Variants in ME1 observed in about 807,000 individuals in gnomAD.
ME1 encodes the protein malic enzyme 1.
Under a neutral mutation model 66.4 loss-of-function variants are expected in ME1, and 74 were observed. The observed-to-expected ratio is 1.11, with a 90% CI of 0.92 to 1.35. The LOEUF is 1.35. ME1 is among the 40% of genes most tolerant of loss of function. ME1 has a pLI of 0.00. For synonymous variants in ME1, 251 were observed against 235.6 expected, an observed-to-expected ratio of 1.07 and a Z score of -0.60; for missense variants, 750 against 694.1, an observed-to-expected ratio of 1.08 and a Z score of -0.90.
At chr6:83,346,021 T>C in intron 5 of ME1, 152 bp downstream of exon 5, 2 of 537,298 alleles carry the variant, frequency 3.7e-6, no homozygotes, top group Admixed American at 3.7e-5. Flanking sequence ...GGAGAAGTAA[T>C]TTTCTTACAA....
chr6:83,401,262 G>C (rs1025068870), intron 2 of ME1, among the ~76,000 whole-genome samples: 3 of 152,182 alleles, frequency 2.0e-5, no homozygotes, highest in African/African-American at 7.2e-5. Flanking sequence ...TTGAGCCCAG[G>C]ATGTTGAGAC....
At chr6:83,348,999 A>C (rs1186306817) in intron 4 of ME1, among the ~76,000 whole-genome samples, 2 of 144,280 alleles carry the variant, frequency 1.4e-5, no homozygotes, top group Non-Finnish European at 1.5e-5. Context: ...AAAAAAAAAA[A>C]AACAAAAAAC....
At chr6:83,280,869 T>C (rs904874833) in intron 6 of ME1, among the ~76,000 whole-genome samples, 1 of 152,208 alleles carries the variant, frequency 6.6e-6, no homozygotes, top group African/African-American at 2.4e-5. Flanking sequence ...AAACCTGCCA[T>C]ATGGCAAATA....
chr6:83,393,126 G>C, intron 3 of ME1: 1 of 1,398,494 alleles, frequency 7.2e-7, no homozygotes, highest in Non-Finnish European at 1.0e-6. Flanking sequence ...CAACATGTCA[G>C]TGGTGGACCT....
At chr6:83,374,628 T>A (rs955978151) in intron 3 of ME1, among the ~76,000 whole-genome samples, 4 of 152,228 alleles carry the variant, frequency 2.6e-5, no homozygotes, top group African/African-American at 9.6e-5. Flanking sequence ...ATTTTAGCAA[T>A]GTTGCAATTG....
At chr6:83,239,850 T>G (rs964413993) in intron 7 of ME1, among the ~76,000 whole-genome samples, 4 of 152,054 alleles carry the variant, frequency 2.6e-5, no homozygotes, top group Admixed American at 6.6e-5. Context: ...TCTTGAAAAC[T>G]TCCCTAAAAG....
intron 6 of ME1, among the ~76,000 whole-genome samples, chr6:83,264,675 G>C (rs1003261949): frequency 6.6e-6 from 1 of 152,138 alleles, no homozygotes; most frequent in Non-Finnish European, 1.5e-5. Context: ...TGCAGATGTG[G>C]TGGAAATAAC....
Position 83,295,634 on chromosome 6 carries a change from C to T in ME1, c.704+19676G>A, listed in dbSNP as rs191656737. Among the ~76,000 whole-genome samples, 70 of 152,146 alleles carry T rather than the reference C, an allele frequency of 4.6e-4. 1 individual carries two copies. Among genetic ancestry groups the T allele is most frequent in the African/African-American group, 1.5e-3 (62 of 41,506 alleles). ...AAGCAATTCTCCAGCCTCAGCAAAC[C>T]AACCCCAAAGCTAGCAGAAGACAAG... On this transcript the variant is annotated intron_variant, in intron 6 of 13. Coordinates refer to ENST00000369705, the MANE Select transcript of ME1 (RefSeq NM_002395.6).
intron 5 of ME1, among the ~76,000 whole-genome samples, chr6:83,325,167 C>G (rs140894245): frequency 1.3e-3 from 201 of 152,240 alleles, no homozygotes; most frequent in African/African-American, 4.6e-3. Context: ...TTCAACAACC[C>G]TTCATGCTAA....
intron 4 of ME1, among the ~76,000 whole-genome samples, chr6:83,347,468 T>C (rs1256851331): frequency 6.6e-6 from 1 of 152,180 alleles, no homozygotes; most frequent in Non-Finnish European, 1.5e-5. Context: ...CGTGGGAATA[T>C]GTCAGTTATT....
chr6:83,403,561 G>A (rs933169494), intron 2 of ME1, among the ~76,000 whole-genome samples: 1 of 152,088 alleles, frequency 6.6e-6, no homozygotes, highest in African/African-American at 2.4e-5. Flanking sequence ...AGGTATACAT[G>A]TGCCATGGTG....
chr6:83,289,258 C>T (rs1019747155), intron 6 of ME1, among the ~76,000 whole-genome samples: 1 of 152,144 alleles, frequency 6.6e-6, no homozygotes, highest in Non-Finnish European at 1.5e-5. Flanking sequence ...CCAGTTTTTG[C>T]CCATTCAGTA....
At chr6:83,246,880 C>T (rs1219535180) in intron 7 of ME1, among the ~76,000 whole-genome samples, 1 of 152,008 alleles carries the variant, frequency 6.6e-6, no homozygotes, top group Non-Finnish European at 1.5e-5. Context: ...GGGTTTATAA[C>T]AAAAATCTTT....
chr6:83,396,379 C>A (rs915066051), intron 3 of ME1, among the ~76,000 whole-genome samples: 1 of 151,736 alleles, frequency 6.6e-6, no homozygotes, highest in Non-Finnish European at 1.5e-5. Flanking sequence ...ATAATGATAG[C>A]CACCAAAACA....
intron 3 of ME1, among the ~76,000 whole-genome samples, chr6:83,381,047 A>G (rs1405773985): frequency 6.6e-6 from 1 of 152,122 alleles, no homozygotes; most frequent in Non-Finnish European, 1.5e-5. Context: ...TAAGGAGGAT[A>G]AGGCTGCAGA....
At chr6:83,400,860 C>T (rs1163373499) in intron 2 of ME1, among the ~76,000 whole-genome samples, 1 of 152,206 alleles carries the variant, frequency 6.6e-6, no homozygotes, top group Admixed American at 6.5e-5. Flanking sequence ...CCATTCTTTC[C>T]CTAACTCATT....
intron 3 of ME1, among the ~76,000 whole-genome samples, chr6:83,377,425 G>T (rs1307332763): frequency 6.6e-6 from 1 of 151,786 alleles, no homozygotes; most frequent in Non-Finnish European, 1.5e-5. Flanking sequence ...TAATAAGAAA[G>T]AAAAAAACAA....
rs375855744 is a variant in ME1, at chr6:83,317,073, T to G, written c.601-1660A>C. Among the ~76,000 whole-genome samples, 13 of 152,296 alleles carry G rather than the reference T, an allele frequency of 8.5e-5. No individual in the cohort carries two copies. The East Asian group carries it at 2.3e-3, about 27-fold the overall frequency. ...CAGGCAGAATGCTGACTTGGCTTCT[T>G]GTGGCTATATAATAAAGTCTAAAAC... On this transcript the variant is annotated intron_variant, in intron 5 of 13. Transcript: ENST00000369705.
At chr6:83,354,678 T>G (rs1253691821) in intron 3 of ME1, among the ~76,000 whole-genome samples, 1 of 152,226 alleles carries the variant, frequency 6.6e-6, no homozygotes, top group African/African-American at 2.4e-5. Flanking sequence ...TTTATTTATG[T>G]ATTCAAATGT....
Sources: gnomAD v4.1 joint callset for allele counts (sites outside exome capture counted in the v4.1 genomes callset) on GRCh38, gnomAD v4.1.1 for gene constraint, MANE v1.5 for transcripts, NCBI Gene and HGNC (gene_info 2026-07-23, HGNC 2026-07-21) for gene names.